The following ZNF385D variants were observed in gnomAD, a reference collection of about 807,000 sequenced individuals.
The protein encoded by ZNF385D is zinc finger protein 385D, also known as zinc finger protein 659.
A neutral mutation model predicts 35.8 loss-of-function variants in ZNF385D; 15 were observed. The observed-to-expected ratio is 0.42, with a 90% CI of 0.28 to 0.64. The LOEUF is 0.64. ZNF385D is among the 30% of genes least tolerant of loss of function. ZNF385D has a pLI of 0.23. For missense variants in ZNF385D, 474 were observed against 494.6 expected, an observed-to-expected ratio of 0.96 and a Z score of 0.39; for synonymous variants, 212 against 186.8, an observed-to-expected ratio of 1.13 and a Z score of -1.10.
intron 3 of ZNF385D, among the ~76,000 whole-genome samples, chr3:22,125,898 T>C (rs1703398068): frequency 6.6e-6 from 1 of 152,104 alleles, no homozygotes; most frequent in South Asian, 2.1e-4. Flanking sequence ...AACCTGGATG[T>C]CTCATTTCTT....
intron 3 of ZNF385D, among the ~76,000 whole-genome samples, chr3:22,107,355 CTT>C (rs1345996773): frequency 1.3e-5 from 2 of 151,910 alleles, no homozygotes; most frequent in African/African-American, 4.8e-5. Context: ...CTATTTTCCT[CTT>C]GTCAGAAAAT....
intron 3 of ZNF385D, among the ~76,000 whole-genome samples, chr3:22,113,881 T>C (rs1306755196): frequency 6.6e-6 from 1 of 152,146 alleles, no homozygotes; most frequent in Non-Finnish European, 1.5e-5. Context: ...CAGCTCATTT[T>C]TCTACCTTGC....
chr3:22,353,268 C>T (rs946101065), intron 2 of ZNF385D, among the ~76,000 whole-genome samples: 16 of 152,162 alleles, frequency 1.1e-4, no homozygotes, highest in African/African-American at 3.1e-4. Flanking sequence ...CTGTGCCATG[C>T]CAAGTAACAG....
chr3:22,349,720 G>C (rs1326355508), intron 2 of ZNF385D, among the ~76,000 whole-genome samples: 1 of 152,104 alleles, frequency 6.6e-6, no homozygotes, highest in Non-Finnish European at 1.5e-5. Flanking sequence ...CAGGACACAT[G>C]AATTTTTATG....
intron 5 of ZNF385D, among the ~76,000 whole-genome samples, chr3:21,430,018 G>T (rs891123982): frequency 5.1e-4 from 78 of 151,806 alleles, no homozygotes; most frequent in African/African-American, 1.8e-3. Flanking sequence ...TCAAATCTAC[G>T]TACCTGGAAT....
intron 3 of ZNF385D, among the ~76,000 whole-genome samples, chr3:21,813,879 C>G (rs1424391349): frequency 6.6e-6 from 1 of 152,078 alleles, no homozygotes; most frequent in Non-Finnish European, 1.5e-5. Context: ...TCGAGAAGAG[C>G]AACTCCAAGA....
intron 2 of ZNF385D, among the ~76,000 whole-genome samples, chr3:22,334,396 C>T (rs1053782136): frequency 1.8e-4 from 27 of 152,010 alleles, no homozygotes; most frequent in Admixed American, 9.8e-4. Context: ...TTCCATTTAC[C>T]CTTTCCAAAT....
chr3:21,751,092 C>G lies in ZNF385D; in HGVS notation c.-176G>C. Reference sequence around the variant, plus strand: ...GATGAGCGCCTTGCAGGCTGCCTTTCCAGGGCTAAGATCCCCGGCGGCTGG... The same window carrying G: ...GATGAGCGCCTTGCAGGCTGCCTTTGCAGGGCTAAGATCCCCGGCGGCTGG... On this transcript the variant is annotated 5_prime_UTR_variant, in exon 1 of 8. Coordinates refer to ENST00000281523, the MANE Select transcript of ZNF385D (RefSeq NM_024697.3). The G allele has an allele frequency of 6.7e-7, 1 of 1,494,442 alleles. No homozygotes were observed. The highest frequency in any genetic ancestry group is 2.2e-5 in the Admixed American group (1 of 44,934). 92.6% of individuals were successfully genotyped at this position (1,494,442 alleles called of 1,614,324 possible). A position where few individuals can be genotyped will look rare whatever the true frequency, so the allele number is the denominator to read the frequency against.
intron 3 of ZNF385D, among the ~76,000 whole-genome samples, chr3:21,854,398 ATATTC>A (rs1201543468): frequency 6.6e-6 from 1 of 152,088 alleles, no homozygotes; most frequent in South Asian, 2.1e-4. Context: ...CCTTCCAAAA[ATATTC>A]TATGCAGATG....
At chr3:21,880,678 A>C (rs1157256160) in intron 3 of ZNF385D, among the ~76,000 whole-genome samples, 1 of 152,072 alleles carries the variant, frequency 6.6e-6, no homozygotes, top group Non-Finnish European at 1.5e-5. Context: ...TCTCACGTTA[A>C]GTCAAAAGCT....
At chr3:22,244,432 T>C (rs954481581) in intron 2 of ZNF385D, among the ~76,000 whole-genome samples, 2 of 141,760 alleles carry the variant, frequency 1.4e-5, no homozygotes, top group African/African-American at 5.2e-5. Flanking sequence ...AAATATCAAG[T>C]ATATTCTTAT....
At chr3:21,836,332 C>T (rs960225484) in intron 3 of ZNF385D, among the ~76,000 whole-genome samples, 4 of 152,100 alleles carry the variant, frequency 2.6e-5, no homozygotes, top group Admixed American at 6.6e-5. Context: ...TTCTCTAGCT[C>T]TCTCTTCCCC....
intron 2 of ZNF385D, among the ~76,000 whole-genome samples, chr3:22,366,359 A>T (rs76264500): frequency 0.21 from 32,145 of 152,076 alleles, 3,866 homozygotes; most frequent in Non-Finnish European, 0.28. Context: ...GTCAACTTCG[A>T]TATTCCCAGC....
At chr3:21,780,863 G>A (rs1378228065) in intron 3 of ZNF385D, among the ~76,000 whole-genome samples, 2 of 152,042 alleles carry the variant, frequency 1.3e-5, no homozygotes, top group African/African-American at 4.8e-5. Context: ...TAGTAAAACA[G>A]CTTTGGTTGT....
chr3:21,855,865 T>C (rs77886285), intron 3 of ZNF385D, among the ~76,000 whole-genome samples: 1 of 95,378 alleles, frequency 1.0e-5, no homozygotes, highest in Non-Finnish European at 2.4e-5. Context: ...TATCCTATGA[T>C]TTTTTTTTTA....
chr3:21,576,767 G>GA (rs1312338250), intron 2 of ZNF385D, among the ~76,000 whole-genome samples: 1 of 151,832 alleles, frequency 6.6e-6, no homozygotes, highest in Non-Finnish European at 1.5e-5. Flanking sequence ...TACAGTTAGA[G>GA]AAAAAAACAA....
intron 3 of ZNF385D, among the ~76,000 whole-genome samples, chr3:21,943,405 A>G (rs559555763): frequency 6.6e-6 from 1 of 151,736 alleles, no homozygotes; most frequent in Non-Finnish European, 1.5e-5. Flanking sequence ...TCTATGTTCC[A>G]ATTTATCAAA....
intron 3 of ZNF385D, among the ~76,000 whole-genome samples, chr3:21,941,431 A>G (rs906834232): frequency 1.3e-5 from 2 of 151,762 alleles, no homozygotes; most frequent in Admixed American, 1.3e-4. Flanking sequence ...ATGATCTACC[A>G]AGTATAGTGA....
At chr3:21,787,808 T>A (rs1265887617) in intron 3 of ZNF385D, among the ~76,000 whole-genome samples, 5 of 151,914 alleles carry the variant, frequency 3.3e-5, no homozygotes, top group African/African-American at 1.2e-4. Context: ...AAGAGCGTAC[T>A]TTTTTAAAAA....
Sources: gnomAD v4.1 joint callset for allele counts (sites outside exome capture counted in the v4.1 genomes callset) on GRCh38, gnomAD v4.1.1 for gene constraint, MANE v1.5 for transcripts, NCBI Gene and HGNC (gene_info 2026-07-23, HGNC 2026-07-21) for gene names.